TSPAN15: variants seen among roughly 807,000 people sequenced by gnomAD.
The protein encoded by TSPAN15 is tetraspanin 15.
Under a neutral mutation model 34.5 loss-of-function variants are expected in TSPAN15, and 20 were observed. The ratio of observed to expected loss-of-function variants is 0.58; its 90% CI spans 0.41 to 0.84. The LOEUF is 0.84. Ranked by LOEUF, TSPAN15 falls within the 40% of genes least tolerant of loss-of-function variation. The pLI, the probability that TSPAN15 is intolerant of heterozygous loss-of-function variation, is 0.00. For missense variants in TSPAN15, 313 were observed against 386.1 expected (o/e 0.81, Z 1.59); for synonymous variants, 155 against 153.9 (o/e 1.01, Z -0.05).
At chr10:69,466,480 TA>T (rs547250910) in intron 1 of TSPAN15, among the ~76,000 whole-genome samples, 256 of 152,296 alleles carry the variant, frequency 1.7e-3, no homozygotes, top group African/African-American at 5.7e-3. Flanking sequence ...TGATGTGTAT[TA>T]AAAAAATAAT....
At chr10:69,544,377 C>G in the TSPAN15 span, among the ~76,000 whole-genome samples, 1 of 152,174 alleles carries the variant, frequency 6.6e-6, no homozygotes, top group Admixed American at 6.5e-5. Context: ...AAGCCTTGGG[C>G]TCTCTGGGGT....
chr10:69,536,068 G>A, the TSPAN15 span, among the ~76,000 whole-genome samples: 1 of 152,206 alleles, frequency 6.6e-6, no homozygotes, highest in Non-Finnish European at 1.5e-5. Context: ...ACCAATTCAT[G>A]TACAGGATTG....
At chr10:69,505,831 C>G (rs1589656755) in intron 6 of TSPAN15, 1 of 295,778 alleles carries the variant, frequency 3.4e-6, no homozygotes, top group South Asian at 1.5e-4. Context: ...AGCACACAGG[C>G]AGGGCAGTTG....
chr10:69,545,354 T>C, the TSPAN15 span, among the ~76,000 whole-genome samples: 1 of 152,172 alleles, frequency 6.6e-6, no homozygotes, highest in Non-Finnish European at 1.5e-5. Context: ...AGGCCATCTC[T>C]GTTCTCAGAA....
At chr10:69,455,709 C>A (rs1396526168) in intron 1 of TSPAN15, among the ~76,000 whole-genome samples, 1 of 137,312 alleles carries the variant, frequency 7.3e-6, no homozygotes, top group Non-Finnish European at 1.5e-5. Flanking sequence ...TGTCATTTTG[C>A]ATGGGTGTAT....
chr10:69,464,250 C>T (rs1841333577), intron 1 of TSPAN15, among the ~76,000 whole-genome samples: 1 of 152,248 alleles, frequency 6.6e-6, no homozygotes, highest in Non-Finnish European at 1.5e-5. Flanking sequence ...TTTGTTCGGG[C>T]AGCCATAGGA....
intron 1 of TSPAN15, among the ~76,000 whole-genome samples, chr10:69,470,050 A>G (rs1246953314): frequency 1.3e-5 from 2 of 152,204 alleles, no homozygotes; most frequent in Non-Finnish European, 2.9e-5. Flanking sequence ...AGGTTTGTAC[A>G]TTACTTCTGG....
intron 1 of TSPAN15, among the ~76,000 whole-genome samples, chr10:69,452,291 T>C (rs1840990058): frequency 6.6e-6 from 1 of 152,186 alleles, no homozygotes; most frequent in Admixed American, 6.5e-5. Context: ...TCCTCTGCCT[T>C]GTTAGGGGGC....
chr10:69,521,693 C>A, the TSPAN15 span, among the ~76,000 whole-genome samples: 2 of 147,842 alleles, frequency 1.4e-5, no homozygotes, highest in African/African-American at 2.5e-5. Context: ...TTTTCTGCAC[C>A]TGGACATCGG....
At chr10:69,460,816 C>T (rs955336425) in intron 1 of TSPAN15, among the ~76,000 whole-genome samples, 4 of 152,032 alleles carry the variant, frequency 2.6e-5, no homozygotes, top group Non-Finnish European at 4.4e-5. Context: ...AGAGGGAGGG[C>T]GGGCTACAGA....
the TSPAN15 span, among the ~76,000 whole-genome samples, chr10:69,525,642 G>A: frequency 6.8e-6 from 1 of 146,648 alleles, no homozygotes; most frequent in African/African-American, 2.5e-5. Context: ...CCAACATGGG[G>A]AAACCCCGTC....
intron 1 of TSPAN15, among the ~76,000 whole-genome samples, chr10:69,469,489 C>T (rs1262726012): frequency 2.0e-5 from 3 of 152,024 alleles, no homozygotes; most frequent in African/African-American, 7.2e-5. Flanking sequence ...TACTCTGTCA[C>T]CCAGGTTGGC....
intron 5 of TSPAN15, among the ~76,000 whole-genome samples, chr10:69,501,495 T>C (rs1159366527): frequency 2.6e-5 from 4 of 152,238 alleles, no homozygotes; most frequent in African/African-American, 7.2e-5. Context: ...TATTTTACAC[T>C]GTACTATTCA....
chr10:69,465,230 G>T (rs1079046), intron 1 of TSPAN15, among the ~76,000 whole-genome samples: 40,477 of 126,124 alleles, frequency 0.32, 5,415 homozygotes, highest in Middle Eastern at 0.38. Context: ...CCTGGGGGTG[G>T]CAGTGGCCAC....
intron 1 of TSPAN15, among the ~76,000 whole-genome samples, chr10:69,481,279 G>T (rs896001729): frequency 2.0e-5 from 3 of 152,126 alleles, no homozygotes; most frequent in Non-Finnish European, 4.4e-5. Flanking sequence ...AGTCCCTGCC[G>T]GCCTGTGTGT....
rs34066900 is a variant in TSPAN15 at position 69,456,091 on chromosome 10, CTT to C, written c.96+4414_96+4415del. ...TAATATGTTTATTTAAATTTACTTA[CTT>C]TTTTTTTTTTTTGAGACAGAGCCTC... On this transcript the variant is annotated intron_variant, in intron 1 of 7. Coordinates refer to ENST00000373290, the MANE Select transcript of TSPAN15 (RefSeq NM_012339.5). 7.5e-3 allele frequency among the ~76,000 whole-genome samples: 1,095 copies of C among 145,256 alleles called. 4 individuals carry two copies. Among genetic ancestry groups the C allele is most frequent in the Middle Eastern group, 0.028 (8 of 284 alleles).
chr10:69,472,003 A>G (rs1372739800), intron 1 of TSPAN15, among the ~76,000 whole-genome samples: 1 of 152,202 alleles, frequency 6.6e-6, no homozygotes, highest in Admixed American at 6.5e-5. Flanking sequence ...AGAATCTTCA[A>G]ACATTTTTAA....
At chr10:69,491,071 A>ACTG (rs1841958320) in intron 3 of TSPAN15, among the ~76,000 whole-genome samples, 1 of 152,326 alleles carries the variant, frequency 6.6e-6, no homozygotes, top group South Asian at 2.1e-4. Context: ...TCCCAAGGAC[A>ACTG]CTGAAACATA....
chr10:69,506,995 G>A lies in TSPAN15; in HGVS notation c.*17G>A, dbSNP rs767351482. 4 of 1,605,602 alleles carry A rather than the reference G, an allele frequency of 2.5e-6. No homozygotes were observed. The highest frequency in any genetic ancestry group is 3.4e-6 in the Non-Finnish European group (4 of 1,177,094). On this transcript the variant is annotated 3_prime_UTR_variant, in exon 8 of 8. Coordinates refer to ENST00000373290, the MANE Select transcript of TSPAN15 (RefSeq NM_012339.5). The surrounding 1 kb of genome is among the most constrained non-coding windows in gnomAD (Gnocchi z 4.7). ...CCCAATTAGGGCCCAGCCTGCCATG[G>A]CAGCTCCAACAAGGACCGTCTGGGA...
Sources: gnomAD v4.1 joint callset for allele counts (sites outside exome capture counted in the v4.1 genomes callset) on GRCh38, gnomAD v4.1.1 for gene constraint, Gnocchi (gnomAD v3.1) non-coding constraint, MANE v1.5 for transcripts, NCBI Gene and HGNC (gene_info 2026-07-23, HGNC 2026-07-21) for gene names.